The following CIMIP2C variants were observed in gnomAD, a reference collection of about 807,000 sequenced individuals.
CIMIP2C encodes ciliary microtubule inner protein 2C.
the CIMIP2C span, among the ~76,000 whole-genome samples, chr2:26,574,973 G>A: frequency 4.6e-5 from 7 of 152,254 alleles, no homozygotes; most frequent in African/African-American, 9.6e-5. Flanking sequence ...GCAAGCTTCC[G>A]CATTGGCCGC....
chr2:26,572,501 G>A, the CIMIP2C span, among the ~76,000 whole-genome samples: 3 of 152,188 alleles, frequency 2.0e-5, no homozygotes, highest in African/African-American at 7.2e-5. Context: ...CCTGGCTGGT[G>A]TGGTATTCTT....
At chr2:26,576,276 G>C in the CIMIP2C span, 1 of 1,343,316 alleles carries the variant, frequency 7.4e-7, no homozygotes, top group Non-Finnish European at 1.0e-6. Context: ...CCTCGCACCT[G>C]CCACAGTGTC....
chr2:26,562,630 G>A, the CIMIP2C span: 5 of 1,585,268 alleles, frequency 3.2e-6, no homozygotes, highest in East Asian at 2.3e-5. Context: ...CCCGCAGCGC[G>A]GGCACCCTAC....
chr2:26,565,771 G>C, the CIMIP2C span, among the ~76,000 whole-genome samples: 1 of 152,244 alleles, frequency 6.6e-6, no homozygotes, highest in Non-Finnish European at 1.5e-5. Context: ...ATTGTTAGCT[G>C]TTATCATTAG....
the CIMIP2C span, among the ~76,000 whole-genome samples, chr2:26,572,724 C>T: frequency 1.3e-5 from 2 of 152,164 alleles, no homozygotes; most frequent in Admixed American, 6.5e-5. Flanking sequence ...GCGCTGGGGC[C>T]GGCCTCCTCC....
At chr2:26,579,154 G>C in the CIMIP2C span, 5 of 894,156 alleles carry the variant, frequency 5.6e-6, no homozygotes, top group South Asian at 1.7e-5. Flanking sequence ...CAAGTCCAGG[G>C]GGACTTATCA....
the CIMIP2C span, chr2:26,575,849 G>A: frequency 6.3e-7 from 1 of 1,586,014 alleles, no homozygotes; most frequent in Non-Finnish European, 8.6e-7. Context: ...CTTGGAACAG[G>A]CCTGGGGCCC....
At chr2:26,566,346 G>A in the CIMIP2C span, among the ~76,000 whole-genome samples, 378 of 152,288 alleles carry the variant, frequency 2.5e-3, 1 homozygote, top group African/African-American at 8.3e-3. Context: ...AAATCAGTGC[G>A]TTCCACTCCA....
the CIMIP2C span, among the ~76,000 whole-genome samples, chr2:26,565,030 C>CTTCTCA: frequency 6.4e-5 from 8 of 125,824 alleles, no homozygotes; most frequent in African/African-American, 2.2e-4. Context: ...TCTTCTTCTT[C>CTTCTCA]TTCTCCTTCT....
At chr2:26,566,668 G>A in the CIMIP2C span, among the ~76,000 whole-genome samples, 10 of 152,176 alleles carry the variant, frequency 6.6e-5, no homozygotes, top group Admixed American at 3.3e-4. Context: ...CGATAGTAAC[G>A]TGGCAAAATA....
chr2:26,577,606 C>A, the CIMIP2C span: 223 of 1,613,962 alleles, frequency 1.4e-4, 1 homozygote, highest in Admixed American at 5.3e-4. Context: ...GGAGCCGGAA[C>A]GGTACCCCCT....
At chr2:26,567,590 G>A in the CIMIP2C span, among the ~76,000 whole-genome samples, 1 of 152,212 alleles carries the variant, frequency 6.6e-6, no homozygotes, top group Non-Finnish European at 1.5e-5. Context: ...GGCTTGGGAA[G>A]GGAGGGTTCC....
At chr2:26,565,099 C>T in the CIMIP2C span, among the ~76,000 whole-genome samples, 2 of 148,070 alleles carry the variant, frequency 1.4e-5, no homozygotes, top group African/African-American at 2.5e-5. Context: ...CCTACCCCTT[C>T]TTCTTTTTTT....
chr2:26,576,719 C>A, the CIMIP2C span, among the ~76,000 whole-genome samples: 2 of 152,176 alleles, frequency 1.3e-5, no homozygotes, highest in African/African-American at 2.4e-5. Flanking sequence ...CCAGCCTGGG[C>A]GAGACTGCCC....
chr2:26,570,291 G>A, the CIMIP2C span, among the ~76,000 whole-genome samples: 9 of 152,190 alleles, frequency 5.9e-5, no homozygotes, highest in East Asian at 1.9e-4. Context: ...GGAGCCCATC[G>A]CCCCTGTAGG....
chr2:26,575,890 C>T, the CIMIP2C span: 117 of 1,610,184 alleles, frequency 7.3e-5, no homozygotes, highest in Middle Eastern at 1.6e-4. Context: ...CCACCCCCAC[C>T]GTGATCGGCA....
the CIMIP2C span, chr2:26,578,641 G>A: frequency 2.4e-6 from 1 of 413,054 alleles, no homozygotes; most frequent in Non-Finnish European, 5.0e-6. Flanking sequence ...GAATGGCTCT[G>A]AGCCAGTCCA....
chr2:26,578,421 T>G, the CIMIP2C span: 1 of 217,018 alleles, frequency 4.6e-6, no homozygotes, highest in Non-Finnish European at 9.4e-6. Flanking sequence ...TTTCATAAGT[T>G]TAATGGTTTT....
the CIMIP2C span, among the ~76,000 whole-genome samples, chr2:26,572,490 G>A: frequency 5.3e-5 from 8 of 152,062 alleles, no homozygotes; most frequent in Non-Finnish European, 1.0e-4. Context: ...CCCTGTGACC[G>A]CCTGGCTGGT....
Sources: gnomAD v4.1 joint callset for allele counts (sites outside exome capture counted in the v4.1 genomes callset) on GRCh38, gnomAD v4.1.1 for gene constraint, MANE v1.5 for transcripts, NCBI Gene and HGNC (gene_info 2026-07-23, HGNC 2026-07-21) for gene names.